The following SLC38A10 variants were observed in gnomAD, a reference collection of about 807,000 sequenced individuals.
SLC38A10 encodes Sodium-coupled neutral amino acid transporter 10.
In SLC38A10, 53 loss-of-function variants were observed where a neutral mutation model predicts 81.0. The observed-to-expected ratio is 0.65, with a 90% CI of 0.53 to 0.82. The LOEUF (loss-of-function observed/expected upper bound fraction) is 0.82. Ranked by LOEUF, SLC38A10 falls within the 40% of genes least tolerant of loss-of-function variation. The pLI, the probability that SLC38A10 is intolerant of heterozygous loss-of-function variation, is 0.00. For missense variants in SLC38A10, 1,471 were observed against 1,545.0 expected (o/e 0.95, Z 0.80); for synonymous variants, 665 against 655.3 (o/e 1.01, Z -0.23).
Position 81,270,958 on chromosome 17 carries a change from A to G in SLC38A10, c.1091T>C (p.Leu364Pro). ...GTTCTTGTGGATTTTCTTGTAGATCAGCGCCGGGCAGATGAAGCAGATGAG... is the reference window on the plus strand; with the variant it reads ...GTTCTTGTGGATTTTCTTGTAGATCGGCGCCGGGCAGATGAAGCAGATGAG... ...GSLICFICPALIYKKIHKNAL... is the reference protein window; with the variant it reads ...GSLICFICPAPIYKKIHKNAL... Residue 364 changes from leucine to proline, a missense_variant, in exon 10 of 16, where the codon CTG becomes CCG. By Grantham distance (98) the Leu-to-Pro change is moderately conservative. Around this residue, in one of 2 missense-constraint regions of SLC38A10, gnomAD observed 720 missense variants for 827.7 expected, o/e 0.87. Transcript: ENST00000374759. The surrounding 1 kb of genome is among the most constrained non-coding windows in gnomAD (Gnocchi z 4.0). The G allele has an allele frequency of 6.2e-7, 1 of 1,613,940 alleles. No individual in the cohort carries two copies. The highest frequency in any genetic ancestry group is 8.5e-7 in the Non-Finnish European group (1 of 1,180,028).
intron 8 of SLC38A10, among the ~76,000 whole-genome samples, chr17:81,274,873 T>A (rs1282994754): frequency 5.9e-5 from 9 of 152,240 alleles, no homozygotes; most frequent in Admixed American, 5.9e-4. Context: ...CTGGCCTACA[T>A]GTGTTACAGT....
At position 81,289,811 on chromosome 17, in the gene SLC38A10, G is replaced by A. The variant is rs1176922173; in HGVS notation, c.100-3C>T. On this transcript the variant is annotated splice_polypyrimidine_tract_variant and splice_region_variant and intron_variant, in intron 1 of 15. Transcript: ENST00000374759. The surrounding 1 kb of genome is among the most constrained non-coding windows in gnomAD (Gnocchi z 5.9). ...AGCGCCCCCAGGACGATGCCGCACT[G>A]CAGGGTGGAGACAGGAACACATGTT... 4.4e-6 allele frequency: 7 copies of A among 1,585,630 alleles called. 1 individual carries two copies. The highest frequency in any genetic ancestry group is 3.6e-5 in the Admixed American group (2 of 55,204).
Position 81,288,347 on chromosome 17 carries a change from G to A in SLC38A10, c.217+1344C>T, listed in dbSNP as rs2063284543. Among the ~76,000 whole-genome samples the A allele has an allele frequency of 6.6e-6, 1 of 152,200 alleles. No homozygotes were observed. The highest frequency in any genetic ancestry group is 1.5e-5 in the Non-Finnish European group (1 of 68,042). On this transcript the variant is annotated intron_variant, in intron 2 of 15. Transcript: ENST00000374759. The surrounding 1 kb of genome is among the most constrained non-coding windows in gnomAD (Gnocchi z 5.4). ...CGGGGGGCAGGATGGCCTTCTGCAG[G>A]GAGGACCTAACATCCCAGCCGCACA... is the stretch of plus-strand genomic sequence containing the variant.
At chr17:81,247,998 C>T (rs1397854925) in intron 14 of SLC38A10, among the ~76,000 whole-genome samples, 29 of 132,832 alleles carry the variant, frequency 2.2e-4, no homozygotes, top group African/African-American at 6.3e-4. Context: ...CACTCTGTCA[C>T]CCAGGCTGGA....
chr17:81,283,443 C>T lies in SLC38A10; in HGVS notation c.323G>A (p.Gly108Glu). The change falls in exon 4 of 16, where the codon GGG becomes GAG. Residue 108 changes from glycine (G) to glutamate (E), a missense_variant. Gly to Glu is a moderately conservative substitution (Grantham distance 98, BLOSUM62 -2). Around this residue, in one of 2 missense-constraint regions of SLC38A10, gnomAD observed 720 missense variants for 827.7 expected, o/e 0.87. Coordinates refer to ENST00000374759, the MANE Select transcript of SLC38A10 (RefSeq NM_001037984.3). This position sits in a 1 kb window ranked among gnomAD's most constrained non-coding sequence, Gnocchi z 4.7. ...IAFYVVIGDL[G>E]SNFFARLFGF... ...GAACAGCCGGGCAAAGAAGTTGGAC[C>T]CCAAGTCGCCGATCACGACGTAGAA... 6.2e-7 allele frequency: 1 copy of T among 1,612,446 alleles called. No individual in the cohort carries two copies. The highest frequency in any genetic ancestry group is 8.5e-7 in the Non-Finnish European group (1 of 1,179,240).
In SLC38A10 at chr17:81,276,656, C is replaced by T. The variant is rs1478421644; in HGVS notation, c.729+375G>A. Among the ~76,000 whole-genome samples the T allele has an allele frequency of 3.3e-5, 5 of 152,204 alleles. No individual in the cohort carries two copies. Among genetic ancestry groups the T allele is most frequent in the Non-Finnish European group, 7.3e-5 (5 of 68,044 alleles). On this transcript the variant is annotated intron_variant, in intron 7 of 15. Coordinates refer to ENST00000374759, the MANE Select transcript of SLC38A10 (RefSeq NM_001037984.3). This position sits in a 1 kb window ranked among gnomAD's most constrained non-coding sequence, Gnocchi z 4.7. ...CTGCCCACCTCGGTCTCCCAAAGTG[C>T]TGGGATTACAGGTGTGAGCAACGGC... is the stretch of plus-strand genomic sequence containing the variant.
chr17:81,280,501 C>A, intron 6 of SLC38A10, 108 bp downstream of exon 6: 2 of 1,480,808 alleles, frequency 1.4e-6, no homozygotes, highest in East Asian at 2.4e-5. Flanking sequence ...CACTCTTTAG[C>A]AGCCAGCAAA....
At chr17:81,284,827 C>A in intron 3 of SLC38A10, 23 bp downstream of exon 3, 1 of 1,513,920 alleles carries the variant, frequency 6.6e-7, no homozygotes, top group Non-Finnish European at 8.9e-7. Context: ...GGGGGGCAAG[C>A]GCAGCGGCAG....
chr17:81,268,220 T>C (rs1224721115), intron 10 of SLC38A10, among the ~76,000 whole-genome samples: 3 of 152,028 alleles, frequency 2.0e-5, no homozygotes, highest in African/African-American at 7.3e-5. Flanking sequence ...TTTGCCTCAA[T>C]GGGACACAGG....
At chr17:81,251,250 A>T in intron 14 of SLC38A10, 10 of 1,466,226 alleles carry the variant, frequency 6.8e-6, no homozygotes, top group Non-Finnish European at 9.2e-6. Context: ...CGGTAATCAC[A>T]AGCCATGTGA....
intron 13 of SLC38A10, 82 bp from the exon 14 acceptor site, chr17:81,251,694 C>T (rs1031140892): frequency 1.7e-5 from 23 of 1,382,998 alleles, no homozygotes; most frequent in South Asian, 5.3e-5. Context: ...AAGGCAAGGG[C>T]GGGACAAAAG....
intron 15 of SLC38A10, 21 bp downstream of exon 15, chr17:81,246,864 C>G (rs1204038762): frequency 6.4e-7 from 1 of 1,569,256 alleles, no homozygotes; most frequent in Non-Finnish European, 8.7e-7. Flanking sequence ...CCACCCCACT[C>G]CATCCGCCAG....
rs536520427 is a variant in SLC38A10 at position 81,274,653 on chromosome 17, G to A, written c.912+1316C>T. 5.3e-5 allele frequency among the ~76,000 whole-genome samples: 8 copies of A among 152,340 alleles called. No homozygotes were observed. In the East Asian group the frequency reaches 1.2e-3, roughly 22 times the overall value. On this transcript the variant is annotated intron_variant, in intron 8 of 15. Transcript: ENST00000374759. ...CCTCCAGCACTGCAGAGTGGCGTCT[G>A]CACCCCCATGCTCGGAGCGCAAGAC...
At chr17:81,268,877 A>G (rs1001132273) in intron 10 of SLC38A10, among the ~76,000 whole-genome samples, 1 of 152,250 alleles carries the variant, frequency 6.6e-6, no homozygotes, top group African/African-American at 2.4e-5. Context: ...AGTCAACTGC[A>G]TGCTGTTATA....
chr17:81,284,464 T>C (rs574428749), intron 3 of SLC38A10, among the ~76,000 whole-genome samples: 246 of 152,312 alleles, frequency 1.6e-3, no homozygotes, highest in African/African-American at 5.4e-3. Context: ...TTTAGAAGCC[T>C]AGAAGTGCAA....
chr17:81,280,796 G>A lies in SLC38A10; in HGVS notation c.502-63C>T, dbSNP rs547977693. 1.3e-4 allele frequency: 199 copies of A among 1,544,784 alleles called. No individual in the cohort carries two copies. The African/African-American group carries it at 2.1e-3, about 16-fold the overall frequency. On this transcript the variant is annotated intron_variant, in intron 5 of 15. Coordinates refer to ENST00000374759, the MANE Select transcript of SLC38A10 (RefSeq NM_001037984.3). Reference sequence around the variant, plus strand: ...GGACGCAGGCGGGACTCAGCATCCCGGCCCACGCGCCGCTAGGAAGGAGTG... The same window carrying A: ...GGACGCAGGCGGGACTCAGCATCCCAGCCCACGCGCCGCTAGGAAGGAGTG...
At chr17:81,250,286 A>C (rs924566575) in intron 14 of SLC38A10, among the ~76,000 whole-genome samples, 12 of 152,214 alleles carry the variant, frequency 7.9e-5, no homozygotes, top group African/African-American at 2.7e-4. Flanking sequence ...AGTGGCTCAG[A>C]GCTCCGGGAG....
chr17:81,258,513 C>T lies in SLC38A10; in HGVS notation c.1288+1725G>A, dbSNP rs572841535. Among the ~76,000 whole-genome samples, 114 of 152,256 alleles carry T rather than the reference C, an allele frequency of 7.5e-4. 2 individuals are homozygous for T. The South Asian group carries it at 0.022, about 30-fold the overall frequency. On this transcript the variant is annotated intron_variant, in intron 11 of 15. Coordinates refer to ENST00000374759, the MANE Select transcript of SLC38A10 (RefSeq NM_001037984.3). ...TTGCACCGGCCGCAGGCAGAGGCGG[C>T]GCAGTGCTAAGGGGACGGGGAGCCT...
rs114255505 is a variant in SLC38A10, at chr17:81,245,845, C to G, written c.3071G>C (p.Arg1024Pro). ...QRPEPELGLK[R>P]AVPGGQRPDN... ...CGGCCTCTGGCCCCCCGGGACAGCT[C>G]GTTTGAGCCCCAGCTCTGGCTCTGG... Residue 1024 changes from arginine (R) to proline (P), a missense_variant, in exon 16 of 16, where the codon CGA (arginine) becomes CCA (proline). Transcript: ENST00000374759. 1.5e-3 allele frequency: 2,415 copies of G among 1,612,076 alleles called. 39 individuals carry two copies. In the African/African-American group the frequency reaches 0.028, roughly 19 times the overall value.
Sources: gnomAD v4.1 joint callset for allele counts (sites outside exome capture counted in the v4.1 genomes callset) on GRCh38, gnomAD v4.1.1 for gene constraint, gnomAD v4.1.1 regional missense constraint, Gnocchi (gnomAD v3.1) non-coding constraint, MANE v1.5 for transcripts, NCBI Gene and HGNC (gene_info 2026-07-23, HGNC 2026-07-21) for gene names.